The following KSR1 variants were observed in gnomAD, a reference collection of about 807,000 sequenced individuals.
The protein encoded by KSR1 is kinase suppressor of ras.
A neutral mutation model predicts 92.9 loss-of-function variants in KSR1; 35 were observed. The observed-to-expected ratio is 0.38, with a 90% CI of 0.29 to 0.50. KSR1 has a LOEUF of 0.50. Ranked by LOEUF, KSR1 falls within the 20% of genes least tolerant of loss-of-function variation. The probability of loss-of-function intolerance (pLI) is 0.94; values close to 1 mark genes in which losing one functional copy is unlikely to be tolerated. For missense variants in KSR1, 972 were observed against 1,158.5 expected (o/e 0.84, Z 2.34); for synonymous variants, 467 against 472.6 (o/e 0.99, Z 0.15).
At chr17:27,592,714 A>G (rs1335833544) in intron 9 of KSR1, 88 bp downstream of exon 9, 5 of 1,100,452 alleles carry the variant, frequency 4.5e-6, no homozygotes, top group African/African-American at 1.6e-5. Context: ...TCAGTGGGGA[A>G]GTTTGGCATG....
chr17:27,538,581 C>T (rs1421994165), intron 1 of KSR1, among the ~76,000 whole-genome samples: 2 of 152,212 alleles, frequency 1.3e-5, no homozygotes, highest in African/African-American at 4.8e-5. Context: ...ATGTCACACT[C>T]GCTGAAGCCA....
chr17:27,521,625 G>A (rs554170042), intron 1 of KSR1, among the ~76,000 whole-genome samples: 2 of 152,140 alleles, frequency 1.3e-5, no homozygotes, highest in Non-Finnish European at 2.9e-5. Flanking sequence ...TAGAGATAGG[G>A]TCTCACTGTG....
intron 1 of KSR1, among the ~76,000 whole-genome samples, chr17:27,487,475 G>T (rs1597864151): frequency 6.6e-6 from 1 of 151,864 alleles, no homozygotes; most frequent in African/African-American, 2.4e-5. Context: ...TGGGCTGGGT[G>T]TGGTGACTCA....
At chr17:27,528,446 G>T (rs1287791508) in intron 1 of KSR1, among the ~76,000 whole-genome samples, 9 of 151,984 alleles carry the variant, frequency 5.9e-5, no homozygotes, top group African/African-American at 2.2e-4. Context: ...ATTTGTTAAA[G>T]GTCACACCGC....
In KSR1 at chr17:27,561,938, C is replaced by T. The variant is rs567156855; in HGVS notation, c.372+11230C>T. 3.9e-5 allele frequency among the ~76,000 whole-genome samples: 6 copies of T among 152,266 alleles called. No individual in the cohort carries two copies. The South Asian group carries it at 8.3e-4, about 21-fold the overall frequency. On this transcript the variant is annotated intron_variant, in intron 2 of 20. Coordinates refer to ENST00000644974, the MANE Select transcript of KSR1 (RefSeq NM_001394583.1). ...TTGGCTCACTGCAACCTCCACCTCC[C>T]GGGTTCAAGTGATTCTTGTGCCTCA...
intron 2 of KSR1, among the ~76,000 whole-genome samples, chr17:27,562,649 TCTGA>T (rs1358753165): frequency 1.3e-5 from 2 of 152,220 alleles, no homozygotes; most frequent in African/African-American, 4.8e-5. Flanking sequence ...CTAGAACAGA[TCTGA>T]CTATGGCCAG....
At chr17:27,501,018 T>C in intron 1 of KSR1, among the ~76,000 whole-genome samples, 1 of 152,198 alleles carries the variant, frequency 6.6e-6, no homozygotes. Flanking sequence ...CCAGGCATTG[T>C]GCTAGGTTGC....
At chr17:27,579,719 TACAAAA>T (rs1457267563) in intron 3 of KSR1, 1 of 150,924 alleles carries the variant, frequency 6.6e-6, no homozygotes, top group Non-Finnish European at 1.5e-5. Context: ...CTACAAAAAA[TACAAAA>T]ATTAGCCAAG....
At chr17:27,596,738 C>G (rs1158852588) in intron 9 of KSR1, among the ~76,000 whole-genome samples, 1 of 152,224 alleles carries the variant, frequency 6.6e-6, no homozygotes, top group East Asian at 1.9e-4. Context: ...TCATTGGTCT[C>G]CCTACTTCTG....
chr17:27,620,433 C>T (rs538952126), intron 19 of KSR1, among the ~76,000 whole-genome samples: 15 of 152,354 alleles, frequency 9.8e-5, no homozygotes, highest in Non-Finnish European at 2.1e-4. Flanking sequence ...TTTCTTGTCA[C>T]CTTTGTATTC....
intron 1 of KSR1, among the ~76,000 whole-genome samples, chr17:27,489,561 G>A (rs956767885): frequency 1.3e-5 from 2 of 152,008 alleles, no homozygotes; most frequent in Admixed American, 1.3e-4. Flanking sequence ...GGTAACCCTG[G>A]CTCATTCTTC....
Position 27,459,808 on chromosome 17 carries a change from G to T in KSR1, c.231+2934G>T, listed in dbSNP as rs1050556302. Among the ~76,000 whole-genome samples, 2 of 152,366 alleles carry T rather than the reference G, an allele frequency of 1.3e-5. No individual in the cohort carries two copies. The highest frequency in any genetic ancestry group is 6.5e-5 in the Admixed American group (1 of 15,310). Reference sequence around the variant, plus strand: ...GATGGGCTGCTGCTGCCTGAAATTGGGTTGTGATGGGGTGTAGTGGGTCAG... The same window carrying T: ...GATGGGCTGCTGCTGCCTGAAATTGTGTTGTGATGGGGTGTAGTGGGTCAG... On this transcript the variant is annotated intron_variant, in intron 1 of 20. Coordinates refer to ENST00000644974, the MANE Select transcript of KSR1 (RefSeq NM_001394583.1). This position sits in a 1 kb window ranked among gnomAD's most constrained non-coding sequence, Gnocchi z 4.6.
rs913440801 is a variant in KSR1 at position 27,577,996 on chromosome 17, C to G, written c.520+357C>G. On this transcript the variant is annotated intron_variant, in intron 3 of 20. Transcript: ENST00000644974. The surrounding 1 kb of genome is among the most constrained non-coding windows in gnomAD (Gnocchi z 4.5). ...CAGCCCTCTCCCCGTCTTCTCCTGT[C>G]CCCATTGCTGGCTGGGTTCTGTGCT... 2.6e-6 allele frequency: 1 copy of G among 390,920 alleles called. No homozygotes were observed. The highest frequency in any genetic ancestry group is 2.1e-5 in the African/African-American group (1 of 48,010). 24.2% of individuals were successfully genotyped at this position (390,920 alleles called of 1,614,324 possible).
rs796395478 is a variant in KSR1, at chr17:27,465,864, G to GA, written c.231+9000dup. 2.8e-3 allele frequency among the ~76,000 whole-genome samples: 414 copies of GA among 147,314 alleles called. 2 individuals are homozygous for GA. Among genetic ancestry groups the GA allele is most frequent in the African/African-American group, 9.4e-3 (380 of 40,216 alleles). ...GTGCACACACAGTTTTGCCAATAAG[G>GA]AAAAAAAAAAGCCACCTGAATGTTC... On this transcript the variant is annotated intron_variant, in intron 1 of 20. Transcript: ENST00000644974.
chr17:27,525,659 T>C (rs537319487), intron 1 of KSR1, among the ~76,000 whole-genome samples: 31 of 152,334 alleles, frequency 2.0e-4, no homozygotes, highest in African/African-American at 7.0e-4. Context: ...TTGCATTTTT[T>C]CCCAAAGGTT....
intron 14 of KSR1, among the ~76,000 whole-genome samples, chr17:27,606,327 C>A (rs926139070): frequency 1.3e-5 from 2 of 152,234 alleles, no homozygotes; most frequent in African/African-American, 2.4e-5. Context: ...GAAAGCCAGT[C>A]TTCTCCCACT....
rs148155254 is a variant in KSR1, at chr17:27,600,615, G to C, written c.1469-745G>C. Among the ~76,000 whole-genome samples, 184 of 152,258 alleles carry C rather than the reference G, an allele frequency of 1.2e-3. 1 individual carries two copies. Among genetic ancestry groups the C allele is most frequent in the African/African-American group, 4.2e-3 (174 of 41,560 alleles). On this transcript the variant is annotated intron_variant, in intron 10 of 20. Transcript: ENST00000644974. ...TAGTTCCGTGGATTATTTCCCGCCAGCGTCACCACAGACACGTGAGGAATG... is the reference window on the plus strand; with the variant it reads ...TAGTTCCGTGGATTATTTCCCGCCACCGTCACCACAGACACGTGAGGAATG...
intron 11 of KSR1, chr17:27,602,049 G>A: frequency 1.2e-6 from 1 of 828,874 alleles, no homozygotes; most frequent in South Asian, 1.6e-5. Flanking sequence ...AAGTGCTTGA[G>A]ATCAGTGCTT....
chr17:27,534,212 T>C (rs1041727926), intron 1 of KSR1, among the ~76,000 whole-genome samples: 6 of 152,192 alleles, frequency 3.9e-5, no homozygotes, highest in Non-Finnish European at 5.9e-5. Flanking sequence ...ATCCTTTCAG[T>C]GTGAGTGTGT....
Sources: gnomAD v4.1 joint callset for allele counts (sites outside exome capture counted in the v4.1 genomes callset) on GRCh38, gnomAD v4.1.1 for gene constraint, Gnocchi (gnomAD v3.1) non-coding constraint, MANE v1.5 for transcripts, NCBI Gene and HGNC (gene_info 2026-07-23, HGNC 2026-07-21) for gene names.